Variants in GRIA4 observed in about 807,000 individuals in gnomAD.
The protein encoded by GRIA4 is glutamate ionotropic receptor AMPA type subunit 4, also known as glutamate receptor 4.
Under a neutral mutation model 104.0 loss-of-function variants are expected in GRIA4, and 34 were observed. The observed-to-expected ratio is 0.33, with a 90% CI of 0.25 to 0.44. The LOEUF (loss-of-function observed/expected upper bound fraction) is 0.44. Among genes scored for constraint, GRIA4 ranks in the 20% least tolerant of loss-of-function variants. The pLI, the probability that GRIA4 is intolerant of heterozygous loss-of-function variation, is 1.00. For missense variants in GRIA4, 750 were observed against 1,096.5 expected (o/e 0.68, Z 4.46); for synonymous variants, 386 against 381.9 (o/e 1.01, Z -0.13).
intron 7 of GRIA4, among the ~76,000 whole-genome samples, chr11:105,901,638 G>T (rs1946858177): frequency 6.6e-6 from 1 of 152,112 alleles, no homozygotes; most frequent in African/African-American, 2.4e-5. Flanking sequence ...CCGTCTATCA[G>T]CTCTATGACC....
chr11:105,893,771 T>C (rs1417978498), intron 6 of GRIA4, among the ~76,000 whole-genome samples: 1 of 152,182 alleles, frequency 6.6e-6, no homozygotes, highest in African/African-American at 2.4e-5. Flanking sequence ...AATTAGCAAC[T>C]AATGCAATAG....
intron 11 of GRIA4, among the ~76,000 whole-genome samples, chr11:105,924,018 T>C (rs1451889695): frequency 6.6e-6 from 1 of 152,112 alleles, no homozygotes; most frequent in Admixed American, 6.6e-5. Context: ...GGCTGCAACA[T>C]AGCAGCGTTC....
chr11:105,841,288 T>C (rs1289092988), intron 4 of GRIA4, among the ~76,000 whole-genome samples: 1 of 152,222 alleles, frequency 6.6e-6, no homozygotes, highest in Admixed American at 6.5e-5. Flanking sequence ...TGTTTCTACA[T>C]CTAATATCCT....
chr11:105,738,678 T>C (rs1939111345), intron 3 of GRIA4, among the ~76,000 whole-genome samples: 1 of 152,136 alleles, frequency 6.6e-6, no homozygotes, highest in African/African-American at 2.4e-5. Context: ...TCTCCTCCAA[T>C]GACGGAATGC....
At chr11:105,811,432 C>T (rs1943167986) in intron 4 of GRIA4, among the ~76,000 whole-genome samples, 1 of 152,106 alleles carries the variant, frequency 6.6e-6, no homozygotes, top group African/African-American at 2.4e-5. Flanking sequence ...AATGTCACAT[C>T]CCCAGAGGCA....
chr11:105,658,363 A>G (rs2135403776), intron 3 of GRIA4, among the ~76,000 whole-genome samples: 1 of 152,040 alleles, frequency 6.6e-6, no homozygotes, highest in Admixed American at 6.6e-5. Context: ...CATTGTAAAC[A>G]TGAATTTCAG....
chr11:105,698,264 CAT>C (rs1195584944), intron 3 of GRIA4, among the ~76,000 whole-genome samples: 1 of 152,048 alleles, frequency 6.6e-6, no homozygotes, highest in African/African-American at 2.4e-5. Context: ...GTTAATGTGA[CAT>C]ATAATTAATG....
intron 3 of GRIA4, among the ~76,000 whole-genome samples, chr11:105,661,641 A>G (rs1031115461): frequency 6.6e-5 from 10 of 151,066 alleles, no homozygotes; most frequent in African/African-American, 2.4e-4. Flanking sequence ...AAATTGATGA[A>G]AAAAATTACA....
At chr11:105,750,143 GT>G (rs1230943245) in intron 3 of GRIA4, among the ~76,000 whole-genome samples, 3 of 152,000 alleles carry the variant, frequency 2.0e-5, no homozygotes, top group Admixed American at 1.3e-4. Flanking sequence ...ATTCAAGAGT[GT>G]TTTCAAAGCT....
chr11:105,770,920 T>C (rs1032566212), intron 4 of GRIA4, among the ~76,000 whole-genome samples: 15 of 152,148 alleles, frequency 9.9e-5, no homozygotes, highest in Non-Finnish European at 1.8e-4. Flanking sequence ...GAAATAATTA[T>C]TCCCTTCATC....
chr11:105,979,823 T>G lies in GRIA4; in HGVS notation c.*84T>G. ...CCCTGAGGGACACGCCACGCGCGGG[T>G]CTTTGCTAAACCAATCCTTTGGCTG... is the stretch of plus-strand genomic sequence containing the variant. On this transcript the variant is annotated 3_prime_UTR_variant, in exon 17 of 17. Transcript: ENST00000282499. 9.8e-7 allele frequency: 1 copy of G among 1,025,476 alleles called. No individual in the cohort carries two copies. Among genetic ancestry groups the G allele is most frequent in the Non-Finnish European group, 1.5e-6 (1 of 687,772 alleles). 63.5% of individuals were successfully genotyped at this position (1,025,476 alleles called of 1,614,324 possible).
intron 14 of GRIA4, among the ~76,000 whole-genome samples, chr11:105,944,829 A>C (rs1379365552): frequency 6.6e-6 from 1 of 151,874 alleles, no homozygotes; most frequent in Non-Finnish European, 1.5e-5. Context: ...ACAGAATCCT[A>C]CTTAGAGACA....
chr11:105,612,573 TA>T, intron 3 of GRIA4, 139 bp downstream of exon 3: 2 of 614,872 alleles, frequency 3.3e-6, no homozygotes, highest in Non-Finnish European at 5.5e-6. Context: ...AAATCAGAGT[TA>T]AAAACAAGAC....
chr11:105,711,416 A>T (rs1953905423), intron 3 of GRIA4, among the ~76,000 whole-genome samples: 1 of 152,068 alleles, frequency 6.6e-6, no homozygotes, highest in Admixed American at 6.6e-5. Flanking sequence ...CCTAAACCTT[A>T]AAGTATTATA....
At chr11:105,922,415 C>G (rs1565344168) in intron 11 of GRIA4, among the ~76,000 whole-genome samples, 1 of 152,070 alleles carries the variant, frequency 6.6e-6, no homozygotes, top group Non-Finnish European at 1.5e-5. Flanking sequence ...AAGATTATTA[C>G]TGTTTAGACC....
At chr11:105,840,415 T>G (rs1431174512) in intron 4 of GRIA4, among the ~76,000 whole-genome samples, 1 of 152,206 alleles carries the variant, frequency 6.6e-6, no homozygotes, top group South Asian at 2.1e-4. Flanking sequence ...TGATTTTCAT[T>G]TAGAATTCTG....
At chr11:105,651,572 A>G (rs2135383655) in intron 3 of GRIA4, among the ~76,000 whole-genome samples, 1 of 152,212 alleles carries the variant, frequency 6.6e-6, no homozygotes, top group East Asian at 1.9e-4. Context: ...GAACTGTTGG[A>G]GTCCTTTCCT....
At chr11:105,698,674 T>C (rs1339986925) in intron 3 of GRIA4, among the ~76,000 whole-genome samples, 2 of 152,200 alleles carry the variant, frequency 1.3e-5, no homozygotes, top group African/African-American at 4.8e-5. Context: ...AAAAATCACC[T>C]TGGAAAAGAG....
chr11:105,952,267 G>C (rs1190387038), intron 14 of GRIA4, among the ~76,000 whole-genome samples: 1 of 152,134 alleles, frequency 6.6e-6, no homozygotes, highest in Non-Finnish European at 1.5e-5. Flanking sequence ...TTATGTATAA[G>C]TCTGGGGTTT....
Sources: allele counts gnomAD v4.1 joint callset (sites outside exome capture counted in the v4.1 genomes callset), GRCh38; gene constraint gnomAD v4.1.1; transcripts MANE v1.5; gene names NCBI Gene and HGNC (gene_info 2026-07-23, HGNC 2026-07-21).